The following WDR5 variants were observed in gnomAD, a reference collection of about 807,000 sequenced individuals.
WDR5 encodes WD repeat domain 5.
For synonymous variants in WDR5, 144 were observed against 161.6 expected, an observed-to-expected ratio of 0.89 and a Z score of 0.83; for missense variants, 187 against 416.9, an observed-to-expected ratio of 0.45 and a Z score of 4.80.
chr9:134,156,477 C>T, intron 12 of WDR5, 29 bp from the exon 13 acceptor site: 1 of 1,607,864 alleles, frequency 6.2e-7, no homozygotes, highest in Non-Finnish European at 8.5e-7. Flanking sequence ...CTTTTCCTTG[C>T]CCTGTTTTCC....
In WDR5 at chr9:134,145,096, GTTTTTTTTTT is replaced by G. The variant is rs56864188; in HGVS notation, c.528+2388_528+2397del. Among the ~76,000 whole-genome samples the G allele has an allele frequency of 1.7e-4, 18 of 104,662 alleles. 1 individual carries two copies. Among genetic ancestry groups the G allele is most frequent in the South Asian group, 3.5e-4 (1 of 2,834 alleles). The allele number at this position is 104,662 out of a possible 152,430, so 68.7% of individuals were successfully genotyped here. The stretch of plus-strand genomic sequence containing the variant: ...ACTGCAGAGAGGTTTGTGGGGCTTT[GTTTTTTTTTT>G]TTTTTTTTTTGAAACAGAATCTCAC... On this transcript the variant is annotated intron_variant, in intron 7 of 13. Transcript: ENST00000358625.
chr9:134,136,506 G>T (rs1332542158), intron 1 of WDR5, among the ~76,000 whole-genome samples: 2 of 152,152 alleles, frequency 1.3e-5, no homozygotes, highest in African/African-American at 2.4e-5. Context: ...CAGGCAGCGT[G>T]CCCGGCCTCA....
At position 134,157,006 on chromosome 9, in the gene WDR5, G is replaced by C. The variant is rs2132591790; in HGVS notation, c.904+413G>C. Among the ~76,000 whole-genome samples, 1 of 152,322 alleles carries C rather than the reference G, an allele frequency of 6.6e-6. No homozygotes were observed. Among genetic ancestry groups the C allele is most frequent in the Non-Finnish European group, 1.5e-5 (1 of 68,022 alleles). ...CCTCTCCCAGAGAGACCCCCCAGCT[G>C]CATGCAGGCCTAGTGGGCTCCACGG... On this transcript the variant is annotated intron_variant, in intron 13 of 13. Transcript: ENST00000358625. This position sits in a 1 kb window ranked among gnomAD's most constrained non-coding sequence, Gnocchi z 5.0.
rs375008014 is a variant in WDR5 at position 134,157,749 on chromosome 9, G to A, written c.905-144G>A. On this transcript the variant is annotated intron_variant, in intron 13 of 13. Coordinates refer to ENST00000358625, the MANE Select transcript of WDR5 (RefSeq NM_017588.3). The surrounding 1 kb of genome is among the most constrained non-coding windows in gnomAD (Gnocchi z 5.0). Reference sequence around the variant, plus strand: ...CCCTGGGCTCCCTGTGTCGAAGGTGGGCAGTGGGTGCTTGTCCTGTGACCT... The same window carrying A: ...CCCTGGGCTCCCTGTGTCGAAGGTGAGCAGTGGGTGCTTGTCCTGTGACCT... 6 of 670,346 alleles carry A rather than the reference G, an allele frequency of 9.0e-6. No homozygotes were observed. The highest frequency in any genetic ancestry group is 7.2e-5 in the African/African-American group (4 of 55,318). The allele number at this position is 670,346 out of a possible 1,614,324, so 41.5% of individuals were successfully genotyped here.
intron 1 of WDR5, among the ~76,000 whole-genome samples, chr9:134,137,199 T>C (rs1249870237): frequency 1.3e-5 from 2 of 152,170 alleles, no homozygotes; most frequent in African/African-American, 2.4e-5. Flanking sequence ...GTTGCTCGGC[T>C]TCAGGTGGTC....
intron 7 of WDR5, among the ~76,000 whole-genome samples, chr9:134,144,499 T>C (rs1564190991): frequency 6.6e-6 from 1 of 152,102 alleles, no homozygotes; most frequent in Non-Finnish European, 1.5e-5. Context: ...ATAGGTAGGA[T>C]TTTAAAAGTC....
At chr9:134,140,064 G>A in intron 2 of WDR5, 106 bp downstream of exon 2, 2 of 1,298,202 alleles carry the variant, frequency 1.5e-6, no homozygotes, top group South Asian at 1.3e-5. Context: ...TCAGTTAAAT[G>A]TCACTGCTAA....
At chr9:134,146,239 C>G (rs1272454305) in intron 7 of WDR5, among the ~76,000 whole-genome samples, 2 of 136,852 alleles carry the variant, frequency 1.5e-5, no homozygotes, top group Non-Finnish European at 3.2e-5. Flanking sequence ...AGTGCTGGGT[C>G]TTTTTTTTTT....
At chr9:134,152,174 TC>T in intron 9 of WDR5, 145 bp downstream of exon 9, 1 of 957,304 alleles carries the variant, frequency 1.0e-6, no homozygotes, top group Non-Finnish European at 1.5e-6. Context: ...GTCCGACCGT[TC>T]CGCCAGCTCC....
intron 7 of WDR5, among the ~76,000 whole-genome samples, chr9:134,144,804 C>A (rs1832085939): frequency 6.6e-6 from 1 of 152,100 alleles, no homozygotes. Context: ...CCACTGCACT[C>A]CAGCCTGGGT....
chr9:134,139,491 G>T (rs2132525208), intron 1 of WDR5, among the ~76,000 whole-genome samples: 1 of 152,256 alleles, frequency 6.6e-6, no homozygotes, highest in African/African-American at 2.4e-5. Flanking sequence ...TTTTTAATGT[G>T]TCCAGGGCTC....
At chr9:134,150,126 T>G (rs1358361008) in intron 8 of WDR5, among the ~76,000 whole-genome samples, 9 of 152,210 alleles carry the variant, frequency 5.9e-5, no homozygotes, top group Non-Finnish European at 1.2e-4. Flanking sequence ...AAGCCTTGAT[T>G]GCTGGTCCCA....
At chr9:134,143,347 C>G (rs1831998824) in intron 7 of WDR5, among the ~76,000 whole-genome samples, 1 of 152,168 alleles carries the variant, frequency 6.6e-6, no homozygotes, top group Non-Finnish European at 1.5e-5. Flanking sequence ...TTGAGACCAG[C>G]CTGGCCAACA....
chr9:134,154,717 A>T (rs891976864), intron 10 of WDR5, among the ~76,000 whole-genome samples, 176 bp downstream of exon 10: 2 of 152,152 alleles, frequency 1.3e-5, no homozygotes, highest in African/African-American at 2.4e-5. Flanking sequence ...GCCCCCGTCC[A>T]TCCCTTCCCG....
Position 134,157,734 on chromosome 9 carries a change from C to G in WDR5, c.905-159C>G, listed in dbSNP as rs995727759. On this transcript the variant is annotated intron_variant, in intron 13 of 13. Coordinates refer to ENST00000358625, the MANE Select transcript of WDR5 (RefSeq NM_017588.3). The surrounding 1 kb of genome is among the most constrained non-coding windows in gnomAD (Gnocchi z 5.0). The stretch of plus-strand genomic sequence containing the variant: ...CCCCTCGCTCCCCTCCCCTGGGCTC[C>G]CTGTGTCGAAGGTGGGCAGTGGGTG... Among the ~76,000 whole-genome samples the G allele has an allele frequency of 2.6e-5, 4 of 152,094 alleles. No individual in the cohort carries two copies. The highest frequency in any genetic ancestry group is 9.7e-5 in the African/African-American group (4 of 41,418).
At chr9:134,146,391 C>T (rs933533479) in intron 7 of WDR5, among the ~76,000 whole-genome samples, 15 of 152,146 alleles carry the variant, frequency 9.9e-5, no homozygotes, top group African/African-American at 3.6e-4. Flanking sequence ...CATGCCACCA[C>T]GCCTGGTTAA....
chr9:134,135,743 A>G (rs1831503711), upstream of WDR5: 1 of 151,992 alleles, frequency 6.6e-6, no homozygotes, highest in Non-Finnish European at 1.5e-5. Context: ...TCCGGAGACA[A>G]CGCCGGGCGA....
chr9:134,159,903 G>A lies in WDR5; in HGVS notation c.*1910G>A, dbSNP rs1832916488. ...AATATAGTTTATTTTTTCTACATTT[G>A]AATTCTGTTGTAGATTTATGTAAAA... On this transcript the variant is annotated 3_prime_UTR_variant, in exon 14 of 14. Transcript: ENST00000358625. The surrounding 1 kb of genome is among the most constrained non-coding windows in gnomAD (Gnocchi z 4.3). 1 of 152,154 alleles carries A rather than the reference G, an allele frequency of 6.6e-6. No homozygotes were observed. Among genetic ancestry groups the A allele is most frequent in the South Asian group, 2.1e-4 (1 of 4,830 alleles). 9.4% of individuals were successfully genotyped at this position (152,154 alleles called of 1,614,324 possible).
chr9:134,142,042 A>T lies in WDR5; in HGVS notation c.354+4A>T, dbSNP rs755376487. ...GAAGATATGGGACGTGAGCTCGGTA[A>T]GTGACACTCAGTGCTTCTCTCCAGG... On this transcript the variant is annotated splice_donor_region_variant and intron_variant, in intron 5 of 13. Transcript: ENST00000358625. The T allele has an allele frequency of 1.1e-5, 17 of 1,613,416 alleles. No individual in the cohort carries two copies. The South Asian group carries it at 1.9e-4, about 18-fold the overall frequency.
Sources: gnomAD v4.1 joint callset for allele counts (sites outside exome capture counted in the v4.1 genomes callset) on GRCh38, gnomAD v4.1.1 for gene constraint, Gnocchi (gnomAD v3.1) non-coding constraint, MANE v1.5 for transcripts, NCBI Gene and HGNC (gene_info 2026-07-23, HGNC 2026-07-21) for gene names.